Variants in BNC2 observed in about 807,000 individuals in gnomAD.
BNC2 encodes the protein zinc finger protein basonuclin-2.
BNC2 carries 20 observed loss-of-function variants against 76.3 expected under a neutral mutation model. The observed-to-expected ratio is 0.26, with a 90% CI of 0.18 to 0.38. The LOEUF is 0.38. Among genes scored for constraint, BNC2 ranks in the 10% least tolerant of loss-of-function variants. The pLI, the probability that BNC2 is intolerant of heterozygous loss-of-function variation, is 1.00. For missense variants in BNC2, 1,382 were observed against 1,399.8 expected, an observed-to-expected ratio of 0.99 and a Z score of 0.20; for synonymous variants, 582 against 514.8, an observed-to-expected ratio of 1.13 and a Z score of -1.77.
rs772424815 is a variant in BNC2, at chr9:16,419,050, C to A, written c.3239G>T (p.Arg1080Leu). The change falls in exon 7 of 7, where the codon CGA becomes CTA. Residue 1080 changes from arginine to leucine, a missense_variant. Arg to Leu is a moderately radical substitution (Grantham distance 102, BLOSUM62 -2). Around this residue, in one of 3 missense-constraint regions of BNC2, gnomAD observed 798 missense variants for 775.5 expected, o/e 1.03. Transcript: ENST00000380672. ...CNMMFSSVRS[R>L]NRHSQNPNLH... ...ATTAGGGTTCTGACTGTGCCGATTT[C>A]GGCTTCGTACAGAGGAAAACATCAT... 3 of 1,614,144 alleles carry A rather than the reference C, an allele frequency of 1.9e-6. No individual in the cohort carries two copies. Among genetic ancestry groups the A allele is most frequent in the Non-Finnish European group, 2.5e-6 (3 of 1,180,030 alleles).
At chr9:16,469,677 T>C (rs1226288938) in intron 5 of BNC2, among the ~76,000 whole-genome samples, 2 of 152,198 alleles carry the variant, frequency 1.3e-5, no homozygotes, top group Admixed American at 1.3e-4. Flanking sequence ...TGGAACAGTT[T>C]GGAGGGCTCA....
intron 1 of BNC2, among the ~76,000 whole-genome samples, chr9:16,846,018 C>T (rs926797898): frequency 2.0e-5 from 3 of 151,294 alleles, no homozygotes; most frequent in Non-Finnish European, 4.4e-5. Context: ...GCCGCGGTGG[C>T]GGGCACCTGC....
intron 5 of BNC2, among the ~76,000 whole-genome samples, chr9:16,485,192 G>A (rs1822138675): frequency 6.6e-6 from 1 of 152,030 alleles, no homozygotes; most frequent in Non-Finnish European, 1.5e-5. Context: ...GTGAACGAAA[G>A]GGAGTTCAGC....
chr9:16,702,628 T>A (rs1823547392), intron 3 of BNC2, among the ~76,000 whole-genome samples: 1 of 88,234 alleles, frequency 1.1e-5, no homozygotes, highest in African/African-American at 2.7e-5. Flanking sequence ...TATTTAAACT[T>A]ATTCCCCTAC....
At chr9:16,464,911 C>T (rs567151329) in intron 5 of BNC2, among the ~76,000 whole-genome samples, 3 of 152,176 alleles carry the variant, frequency 2.0e-5, no homozygotes, top group Non-Finnish European at 4.4e-5. Context: ...TATATGCTTA[C>T]ACCTAAATAA....
chr9:16,661,928 G>C (rs1241858654), intron 3 of BNC2, among the ~76,000 whole-genome samples: 1 of 152,150 alleles, frequency 6.6e-6, no homozygotes, highest in African/African-American at 2.4e-5. Context: ...TAGCATCAAA[G>C]ACAAGTGACA....
chr9:16,454,807 C>T (rs574654316), intron 5 of BNC2, among the ~76,000 whole-genome samples: 15 of 152,144 alleles, frequency 9.9e-5, no homozygotes, highest in Non-Finnish European at 1.8e-4. Context: ...AGAAGTTTTA[C>T]ATAATATACT....
intron 1 of BNC2, among the ~76,000 whole-genome samples, chr9:16,738,799 T>C (rs1824756013): frequency 6.6e-6 from 1 of 151,724 alleles, no homozygotes; most frequent in South Asian, 2.1e-4. Flanking sequence ...TGTTAGGGAA[T>C]ACTAATCACC....
intron 1 of BNC2, among the ~76,000 whole-genome samples, chr9:16,861,122 G>A (rs1020154431): frequency 1.4e-4 from 21 of 149,528 alleles, no homozygotes; most frequent in East Asian, 5.9e-4. Flanking sequence ...AAACAGGATC[G>A]CTTGAGGCCA....
At chr9:16,726,878 C>G (rs1250958011) in intron 3 of BNC2, 1 of 152,320 alleles carries the variant, frequency 6.6e-6, no homozygotes, top group East Asian at 1.9e-4. Context: ...CTCTCACCCT[C>G]GCTCCCCCGC....
At chr9:16,586,374 T>C (rs949809817) in intron 3 of BNC2, among the ~76,000 whole-genome samples, 7 of 152,288 alleles carry the variant, frequency 4.6e-5, no homozygotes, top group Non-Finnish European at 8.8e-5. Flanking sequence ...CAGCAACCAG[T>C]GCTCCCACTT....
In BNC2 at chr9:16,469,992, C is replaced by CTTTTTT. The variant is rs201134930; in HGVS notation, c.670-32474_670-32469dup. On this transcript the variant is annotated intron_variant, in intron 5 of 6. Transcript: ENST00000380672. Reference sequence around the variant, plus strand: ...ACACTTGCATGCTGCTAATGGCATTCTTTTTTTTTTTTTTTTTTTTTTTGA... The same window carrying CTTTTTT: ...ACACTTGCATGCTGCTAATGGCATTCTTTTTTTTTTTTTTTTTTTTTTTTTTTTTGA... Among the ~76,000 whole-genome samples, 75 of 114,980 alleles carry CTTTTTT rather than the reference C, an allele frequency of 6.5e-4. 1 individual carries two copies. The highest frequency in any genetic ancestry group is 1.4e-3 in the African/African-American group (38 of 27,346). 75.4% of individuals were successfully genotyped at this position (114,980 alleles called of 152,430 possible). A position where few individuals can be genotyped will look rare whatever the true frequency, so the allele number is the denominator to read the frequency against.
At chr9:16,606,948 C>A (rs550850104) in intron 3 of BNC2, among the ~76,000 whole-genome samples, 4 of 151,910 alleles carry the variant, frequency 2.6e-5, no homozygotes, top group African/African-American at 9.7e-5. Flanking sequence ...TGCTTCTAAA[C>A]GGACTAACAC....
At chr9:16,576,093 T>C (rs1051729318) in intron 4 of BNC2, among the ~76,000 whole-genome samples, 4 of 152,146 alleles carry the variant, frequency 2.6e-5, no homozygotes, top group African/African-American at 9.7e-5. Context: ...AGCATGTACT[T>C]CCCTTCCCCT....
At chr9:16,577,575 C>A (rs1196517241) in intron 4 of BNC2, among the ~76,000 whole-genome samples, 1 of 151,778 alleles carries the variant, frequency 6.6e-6, no homozygotes, top group East Asian at 1.9e-4. Context: ...ATGATGTAGA[C>A]CAGGTCTGCT....
chr9:16,689,829 C>T (rs1356114064), intron 3 of BNC2, among the ~76,000 whole-genome samples: 1 of 152,034 alleles, frequency 6.6e-6, no homozygotes, highest in Non-Finnish European at 1.5e-5. Flanking sequence ...TCAGATAACA[C>T]AAAGAGTTCA....
chr9:16,727,857 T>C lies in BNC2; in HGVS notation c.270A>G (p.Pro90=), dbSNP rs79432515. The C allele has an allele frequency of 6.2e-7, 1 of 1,614,230 alleles. No individual in the cohort carries two copies. The highest frequency in any genetic ancestry group is 8.5e-7 in the Non-Finnish European group (1 of 1,180,032). ...QFGTRTTTAE[P]GFMGTWQNAD... is the part of the protein sequence containing the mutation. ...CGTTTTGCCATGTCCCCATGAACCCTGGTTCAGCCGTAGTCGTTCTGGTTC... is the reference window on the plus strand; with the variant it reads ...CGTTTTGCCATGTCCCCATGAACCCCGGTTCAGCCGTAGTCGTTCTGGTTC... Residue 90 remains proline (P), a synonymous_variant, in exon 3 of 7, where the codon CCA becomes CCG. Transcript: ENST00000380672.
chr9:16,734,646 T>G (rs1004201536), intron 2 of BNC2, among the ~76,000 whole-genome samples: 3 of 152,178 alleles, frequency 2.0e-5, no homozygotes, highest in African/African-American at 7.2e-5. Context: ...AGTTTTCAGT[T>G]AGTTTGGTTT....
intron 5 of BNC2, among the ~76,000 whole-genome samples, chr9:16,524,660 T>C (rs1362477772): frequency 6.6e-6 from 1 of 152,132 alleles, no homozygotes; most frequent in Non-Finnish European, 1.5e-5. Flanking sequence ...GTCATTAAAA[T>C]AACAATACAG....
Sources: gnomAD v4.1 joint callset for allele counts (sites outside exome capture counted in the v4.1 genomes callset) on GRCh38, gnomAD v4.1.1 for gene constraint, gnomAD v4.1.1 regional missense constraint, MANE v1.5 for transcripts, NCBI Gene and HGNC (gene_info 2026-07-23, HGNC 2026-07-21) for gene names.